Variants in SCEL observed in about 807,000 individuals in gnomAD.
SCEL encodes sciellin.
In SCEL, 113 loss-of-function variants were observed where a neutral mutation model predicts 117.6. The ratio of observed to expected loss-of-function variants is 0.96; its 90% CI spans 0.83 to 1.12. SCEL has a LOEUF of 1.12. Among genes scored for constraint, SCEL ranks in the 50% most tolerant of loss-of-function variants. SCEL has a pLI of 0.00. For missense variants in SCEL, 785 were observed against 810.8 expected, an observed-to-expected ratio of 0.97 and a Z score of 0.39; for synonymous variants, 270 against 256.2, an observed-to-expected ratio of 1.05 and a Z score of -0.51.
chr13:77,553,238 C>T (rs2084449077), intron 1 of SCEL, among the ~76,000 whole-genome samples: 1 of 152,216 alleles, frequency 6.6e-6, no homozygotes, highest in African/African-American at 2.4e-5. Flanking sequence ...GCCTTTCCCA[C>T]TGGAAACAGT....
At chr13:77,581,183 C>T (rs1172291054) in intron 9 of SCEL, among the ~76,000 whole-genome samples, 5 of 152,080 alleles carry the variant, frequency 3.3e-5, no homozygotes, top group South Asian at 4.1e-4. Flanking sequence ...TTCTATGACA[C>T]GCAATAAAAT....
At chr13:77,543,327 C>T (rs1209225063) in intron 1 of SCEL, among the ~76,000 whole-genome samples, 1 of 152,056 alleles carries the variant, frequency 6.6e-6, no homozygotes, top group Non-Finnish European at 1.5e-5. Flanking sequence ...TCGTGATCCG[C>T]CCGCCTCGGC....
intron 1 of SCEL, among the ~76,000 whole-genome samples, chr13:77,547,714 C>G (rs1273524667): frequency 6.6e-6 from 1 of 152,232 alleles, no homozygotes; most frequent in East Asian, 1.9e-4. Context: ...ACCCAACATT[C>G]TGCCATAGGG....
intron 20 of SCEL, 83 bp downstream of exon 20, chr13:77,608,198 T>A: frequency 1.8e-6 from 2 of 1,093,308 alleles, no homozygotes; most frequent in Non-Finnish European, 2.7e-6. Context: ...TGAAAAACCT[T>A]TGGATTGGGA....
intron 27 of SCEL, among the ~76,000 whole-genome samples, chr13:77,621,327 C>G (rs960975788): frequency 6.6e-6 from 1 of 152,130 alleles, no homozygotes; most frequent in Non-Finnish European, 1.5e-5. Context: ...CGTCTATTAT[C>G]GTTCTCCACC....
chr13:77,612,051 A>G (rs1446390306), intron 22 of SCEL, among the ~76,000 whole-genome samples: 1 of 152,202 alleles, frequency 6.6e-6, no homozygotes, highest in Non-Finnish European at 1.5e-5. Context: ...GTAATAGAAT[A>G]TAGTAATTTA....
chr13:77,573,452 G>C (rs893966030), intron 9 of SCEL, among the ~76,000 whole-genome samples: 2 of 152,112 alleles, frequency 1.3e-5, no homozygotes, highest in Non-Finnish European at 2.9e-5. Flanking sequence ...TATTAGATTG[G>C]TTTATTTTAT....
chr13:77,618,721 G>T (rs927243815), intron 27 of SCEL, among the ~76,000 whole-genome samples: 6 of 152,108 alleles, frequency 3.9e-5, no homozygotes, highest in African/African-American at 1.2e-4. Flanking sequence ...AGAAAATAGA[G>T]TTTTAGGACT....
At chr13:77,636,043 G>T (rs571715119) in intron 29 of SCEL, among the ~76,000 whole-genome samples, 3 of 152,112 alleles carry the variant, frequency 2.0e-5, no homozygotes, top group African/African-American at 7.2e-5. Context: ...TCTGTTGACC[G>T]GAAGCCTCTG....
chr13:77,579,098 G>T (rs1448305629), intron 9 of SCEL, among the ~76,000 whole-genome samples: 1 of 152,098 alleles, frequency 6.6e-6, no homozygotes, highest in Non-Finnish European at 1.5e-5. Flanking sequence ...TGGGTCGATG[G>T]ATTCTACCAT....
In SCEL at chr13:77,593,295, T is replaced by TGTGCGCGCGCGCGC. The variant is rs796907419; in HGVS notation, c.693-217_693-216insGCGCGCGCGCGCGT. Among the ~76,000 whole-genome samples, 24 of 136,886 alleles carry TGTGCGCGCGCGCGC rather than the reference T, an allele frequency of 1.8e-4. 1 individual carries two copies. Among genetic ancestry groups the TGTGCGCGCGCGCGC allele is most frequent in the South Asian group, 1.4e-3 (6 of 4,174 alleles). 89.8% of individuals were successfully genotyped at this position (136,886 alleles called of 152,430 possible). ...GTGTGTGTGTGTGTGTGTGTGTGTGTGTCTGTGTGTGTGTGTGTGTGTGTC... is the reference window on the plus strand; with the variant it reads ...GTGTGTGTGTGTGTGTGTGTGTGTGTGTGCGCGCGCGCGCGTCTGTGTGTGTGTGTGTGTGTGTC... On this transcript the variant is annotated intron_variant, in intron 11 of 32. Coordinates refer to ENST00000349847, the MANE Select transcript of SCEL (RefSeq NM_144777.3).
chr13:77,540,157 A>G (rs955037119), intron 1 of SCEL, among the ~76,000 whole-genome samples: 1 of 152,254 alleles, frequency 6.6e-6, no homozygotes, highest in African/African-American at 2.4e-5. Flanking sequence ...GAGAGATTAC[A>G]TAAAACAACA....
chr13:77,598,901 C>T lies in SCEL; in HGVS notation c.798-428C>T, dbSNP rs145909646. Among the ~76,000 whole-genome samples, 825 of 152,216 alleles carry T rather than the reference C, an allele frequency of 5.4e-3. 4 individuals carry two copies. Among genetic ancestry groups the T allele is most frequent in the Non-Finnish European group, 8.8e-3 (600 of 67,994 alleles). On this transcript the variant is annotated intron_variant, in intron 13 of 32. Transcript: ENST00000349847. ...CAGACCATGTTGCCCAGGTTGGTCT[C>T]GGGCTCCTGGGATCAGGTGATCCTT... is the stretch of plus-strand genomic sequence containing the variant.
At chr13:77,628,406 T>C (rs559545818) in intron 28 of SCEL, among the ~76,000 whole-genome samples, 1 of 152,112 alleles carries the variant, frequency 6.6e-6, no homozygotes, top group East Asian at 1.9e-4. Flanking sequence ...ACTCTGGGAA[T>C]CTCTTCCTTG....
chr13:77,569,379 G>A lies in SCEL; in HGVS notation c.407G>A (p.Gly136Asp). 1 of 1,613,596 alleles carries A rather than the reference G, an allele frequency of 6.2e-7. No individual in the cohort carries two copies. Among genetic ancestry groups the A allele is most frequent in the African/African-American group, 1.3e-5 (1 of 75,034 alleles). Residue 136 changes from glycine (G) to aspartate (D), a missense_variant, in exon 8 of 33, where the codon GGC becomes GAC. Gly to Asp is a moderately conservative substitution (Grantham distance 94, BLOSUM62 -1). Coordinates refer to ENST00000349847, the MANE Select transcript of SCEL (RefSeq NM_144777.3). ...RSLEVTKLQP[G>D]GSLNANTSNT... is the part of the protein sequence containing the mutation. ...TTCTTGTCATTAAACAGGCAACCTG[G>A]CGGTTCATTGAATGCCAACACCTCC... is the stretch of plus-strand genomic sequence containing the variant.
intron 22 of SCEL, among the ~76,000 whole-genome samples, chr13:77,612,132 A>T (rs897539111): frequency 5.1e-4 from 78 of 152,276 alleles, no homozygotes; most frequent in African/African-American, 1.8e-3. Flanking sequence ...AGTCTTTCCA[A>T]TTATTTTCTC....
chr13:77,619,393 A>G (rs1391481225), intron 27 of SCEL, among the ~76,000 whole-genome samples: 1 of 152,180 alleles, frequency 6.6e-6, no homozygotes, highest in East Asian at 1.9e-4. Context: ...GTACTAAATA[A>G]CCTTTTCAAG....
At chr13:77,613,453 G>A (rs1262206184) in intron 23 of SCEL, among the ~76,000 whole-genome samples, 1 of 152,192 alleles carries the variant, frequency 6.6e-6, no homozygotes, top group African/African-American at 2.4e-5. Flanking sequence ...GCATGGCAGA[G>A]AAACCCCAAG....
chr13:77,613,016 A>G, intron 23 of SCEL, 75 bp downstream of exon 23: 1 of 848,742 alleles, frequency 1.2e-6, no homozygotes, highest in Non-Finnish European at 1.9e-6. Context: ...TAATTATTTA[A>G]CTAAAGACAT....
Sources: gnomAD v4.1 joint callset for allele counts (sites outside exome capture counted in the v4.1 genomes callset) on GRCh38, gnomAD v4.1.1 for gene constraint, MANE v1.5 for transcripts, NCBI Gene and HGNC (gene_info 2026-07-23, HGNC 2026-07-21) for gene names.